RIMS2: variants seen among roughly 807,000 people sequenced by gnomAD.
The protein encoded by RIMS2 is regulating synaptic membrane exocytosis protein 2.
RIMS2 carries 59 observed loss-of-function variants against 174.4 expected under a neutral mutation model. That is an observed-to-expected ratio of 0.34 (90% CI 0.27 to 0.42). The LOEUF (loss-of-function observed/expected upper bound fraction) is 0.42, where lower values mean the gene tolerates loss of function less well. RIMS2 is among the 10% of genes least tolerant of loss of function. The pLI, the probability that RIMS2 is intolerant of heterozygous loss-of-function variation, is 1.00. For synonymous variants in RIMS2, 606 were observed against 572.5 expected, an observed-to-expected ratio of 1.06 and a Z score of -0.84; for missense variants, 1,620 against 1,666.3, an observed-to-expected ratio of 0.97 and a Z score of 0.48.
chr8:104,248,847 G>C lies in RIMS2; in HGVS notation c.3589+34G>C, dbSNP rs367941785. The C allele has an allele frequency of 5.6e-5, 57 of 1,023,534 alleles. No homozygotes were observed. In the African/African-American group the frequency reaches 7.2e-4, roughly 13 times the overall value. 63.4% of individuals were successfully genotyped at this position (1,023,534 alleles called of 1,614,324 possible). ...TTCTGCCACATGATTTCACTATTTT[G>C]TTTTAGATTGTTGAAAATGAAATTC... is the stretch of plus-strand genomic sequence containing the variant. On this transcript the variant is annotated intron_variant, in intron 21 of 23. Transcript: ENST00000504942.
intron 3 of RIMS2, among the ~76,000 whole-genome samples, chr8:103,807,730 G>T (rs2098659375): frequency 6.6e-6 from 1 of 151,988 alleles, no homozygotes; most frequent in African/African-American, 2.4e-5. Context: ...GTAATAAAAA[G>T]GGTAAGACAG....
upstream of RIMS2, chr8:103,500,705 C>G (rs1230845171): frequency 2.1e-5 from 11 of 533,646 alleles, no homozygotes; most frequent in Non-Finnish European, 3.3e-5. Flanking sequence ...TCCTTCCCCA[C>G]GCGCTCGCCC....
chr8:103,625,450 C>T (rs906237534), intron 1 of RIMS2, among the ~76,000 whole-genome samples: 4 of 152,084 alleles, frequency 2.6e-5, no homozygotes, highest in Non-Finnish European at 4.4e-5. Context: ...TCTTTTTATT[C>T]ATACAATAGC....
chr8:103,587,428 G>C (rs1287634397), intron 1 of RIMS2, among the ~76,000 whole-genome samples: 1 of 117,046 alleles, frequency 8.5e-6, no homozygotes, highest in Non-Finnish European at 1.9e-5. Context: ...AAGAAAGAAA[G>C]AAAGAAAGAA....
chr8:104,234,808 C>T (rs1247440530), intron 19 of RIMS2, among the ~76,000 whole-genome samples: 2 of 152,102 alleles, frequency 1.3e-5, no homozygotes, highest in Admixed American at 1.3e-4. Context: ...GGCTTGATCC[C>T]TCTGTTTTGC....
intron 19 of RIMS2, among the ~76,000 whole-genome samples, chr8:104,017,130 A>T (rs1457122189): frequency 1.3e-5 from 2 of 149,814 alleles, no homozygotes; most frequent in African/African-American, 4.9e-5. Flanking sequence ...AGATTATGCA[A>T]TTTTTTTTTT....
chr8:103,527,497 C>A (rs1038756590), intron 1 of RIMS2, among the ~76,000 whole-genome samples: 1 of 151,946 alleles, frequency 6.6e-6, no homozygotes, highest in African/African-American at 2.4e-5. Flanking sequence ...TGCATTAATT[C>A]ATCATTTCCA....
intron 19 of RIMS2, among the ~76,000 whole-genome samples, chr8:104,031,510 G>A (rs573332974): frequency 1.1e-4 from 17 of 152,142 alleles, no homozygotes; most frequent in South Asian, 6.2e-4. Flanking sequence ...AAATTTTAAT[G>A]TCACATTTCT....
chr8:103,927,945 G>C, intron 11 of RIMS2: 1 of 1,477,424 alleles, frequency 6.8e-7, no homozygotes, highest in South Asian at 1.3e-5. Context: ...CTATTTGTAT[G>C]TTTTTGGAAA....
rs890173757 is a variant in RIMS2, at chr8:104,245,157, C to A, written c.3476+100C>A. 7 of 1,199,896 alleles carry A rather than the reference C, an allele frequency of 5.8e-6. No homozygotes were observed. In the African/African-American group the frequency reaches 9.1e-5, roughly 16 times the overall value. The allele number at this position is 1,199,896 out of a possible 1,614,324, so 74.3% of individuals were successfully genotyped here. On this transcript the variant is annotated intron_variant, in intron 20 of 23. Coordinates refer to ENST00000504942, the Ensembl canonical transcript of RIMS2. ...TTCCAACTCTCATGCTCTTCAGAACCACTTTAATTTTCACTGGCTGATTTC... is the reference window on the plus strand; with the variant it reads ...TTCCAACTCTCATGCTCTTCAGAACAACTTTAATTTTCACTGGCTGATTTC...
Position 103,728,469 on chromosome 8 carries a change from A to T in RIMS2, c.387+31173A>T, listed in dbSNP as rs180859961. 4.3e-3 allele frequency among the ~76,000 whole-genome samples: 651 copies of T among 152,194 alleles called. 1 individual carries two copies. The highest frequency in any genetic ancestry group is 7.3e-3 in the Non-Finnish European group (497 of 67,992). On this transcript the variant is annotated intron_variant, in intron 2 of 23. Transcript: ENST00000504942. ...GTCTAGGACTTCCAGTACTATGTTG[A>T]ATAACAGTGGTGGAAGTGGTCATTC...
chr8:103,763,093 G>T (rs1382090123), intron 2 of RIMS2, among the ~76,000 whole-genome samples: 1 of 152,084 alleles, frequency 6.6e-6, no homozygotes, highest in African/African-American at 2.4e-5. Flanking sequence ...CCAAGAGTAG[G>T]AGGAGATGGT....
intron 1 of RIMS2, among the ~76,000 whole-genome samples, chr8:103,642,888 A>G (rs1298330291): frequency 6.6e-6 from 1 of 151,850 alleles, no homozygotes; most frequent in Non-Finnish European, 1.5e-5. Context: ...TCTTATTTGA[A>G]ACATTTTTTG....
chr8:104,020,096 G>GT lies in RIMS2; in HGVS notation c.3334+5489dup, dbSNP rs2096047437. Among the ~76,000 whole-genome samples, 6 of 151,600 alleles carry GT rather than the reference G, an allele frequency of 4.0e-5. No homozygotes were observed. The Middle Eastern group carries it at 0.017, about 430-fold the overall frequency. On this transcript the variant is annotated intron_variant, in intron 19 of 23. Coordinates refer to ENST00000504942, the Ensembl canonical transcript of RIMS2. ...ATAAAAATGATTTTTCATTTATTTG[G>GT]TTTTTTTTACTTTTCCTATGAGATA...
At chr8:103,878,277 G>A (rs1375509700) in intron 3 of RIMS2, among the ~76,000 whole-genome samples, 1 of 151,820 alleles carries the variant, frequency 6.6e-6, no homozygotes. Flanking sequence ...AAATTACCCA[G>A]TCTTAGGTAT....
At chr8:104,138,824 C>T (rs959961826) in intron 19 of RIMS2, among the ~76,000 whole-genome samples, 2 of 152,152 alleles carry the variant, frequency 1.3e-5, no homozygotes, top group Non-Finnish European at 2.9e-5. Flanking sequence ...TGAGGTATTA[C>T]TCGAGAAATC....
At chr8:103,898,211 C>G (rs2099302136) in intron 4 of RIMS2, among the ~76,000 whole-genome samples, 1 of 151,648 alleles carries the variant, frequency 6.6e-6, no homozygotes, top group South Asian at 2.1e-4. Flanking sequence ...AATATAATTA[C>G]TACTTCTTTC....
At chr8:103,855,397 G>T (rs1379071361) in intron 3 of RIMS2, among the ~76,000 whole-genome samples, 1 of 151,668 alleles carries the variant, frequency 6.6e-6, no homozygotes, top group African/African-American at 2.4e-5. Context: ...TGCTAGCTTT[G>T]GGATTGGTTC....
chr8:103,855,992 T>A (rs1197098369), intron 3 of RIMS2, among the ~76,000 whole-genome samples: 1 of 152,200 alleles, frequency 6.6e-6, no homozygotes, highest in Non-Finnish European at 1.5e-5. Flanking sequence ...GTTGTCTAAG[T>A]CTTTTCGTAG....
Sources: allele counts gnomAD v4.1 joint callset (sites outside exome capture counted in the v4.1 genomes callset), GRCh38; gene constraint gnomAD v4.1.1; transcripts MANE v1.5; gene names NCBI Gene and HGNC (gene_info 2026-07-23, HGNC 2026-07-21).